The following SLCO1A2 variants were observed in gnomAD, a reference collection of about 807,000 sequenced individuals.
The protein encoded by SLCO1A2 is solute carrier organic anion transporter family member 1A2, also known as OATP-1.
Under a neutral mutation model 69.0 loss-of-function variants are expected in SLCO1A2, and 67 were observed. The ratio of observed to expected loss-of-function variants is 0.97; its 90% CI spans 0.80 to 1.19. SLCO1A2 has a LOEUF of 1.19. Ranked by LOEUF, SLCO1A2 falls within the 50% of genes most tolerant of loss-of-function variation. SLCO1A2 has a pLI of 0.00. For synonymous variants in SLCO1A2, 260 were observed against 265.9 expected, an observed-to-expected ratio of 0.98 and a Z score of 0.22; for missense variants, 787 against 793.7, an observed-to-expected ratio of 0.99 and a Z score of 0.10.
At chr12:21,275,521 G>A in intron 12 of SLCO1A2, 97 bp from the exon 13 acceptor site, 1 of 1,209,310 alleles carries the variant, frequency 8.3e-7, no homozygotes. Flanking sequence ...CACACATAAT[G>A]AACATTCAAA....
chr12:21,370,792 T>C (rs1038050206), intron 2 of SLCO1A2, among the ~76,000 whole-genome samples: 18 of 152,186 alleles, frequency 1.2e-4, no homozygotes, highest in African/African-American at 3.6e-4. Context: ...ATTAACTAGA[T>C]GTTTGATGTT....
chr12:21,357,084 A>G (rs1329368047), intron 2 of SLCO1A2, among the ~76,000 whole-genome samples: 1 of 152,164 alleles, frequency 6.6e-6, no homozygotes, highest in Non-Finnish European at 1.5e-5. Context: ...ACAAACAAAC[A>G]CTATAGAATG....
intron 3 of SLCO1A2, 150 bp from the exon 4 acceptor site, chr12:21,314,831 AAT>A: frequency 1.5e-6 from 1 of 657,864 alleles, no homozygotes; most frequent in South Asian, 2.0e-5. Flanking sequence ...ATAATAAATG[AAT>A]ATAACACAAT....
Position 21,266,971 on chromosome 12 carries a change from C to T in SLCO1A2, c.*2577G>A, listed in dbSNP as rs1240967849. On this transcript the variant is annotated 3_prime_UTR_variant, in exon 15 of 15. Transcript: ENST00000683939. ...ATTAAGTAAGAAAATTACTGACTCTCGACTTCTCACTACCTGTTCTCTTGT... is the reference window on the plus strand; with the variant it reads ...ATTAAGTAAGAAAATTACTGACTCTTGACTTCTCACTACCTGTTCTCTTGT... 6.6e-6 allele frequency: 1 copy of T among 152,026 alleles called. No individual in the cohort carries two copies. The highest frequency in any genetic ancestry group is 1.5e-5 in the Non-Finnish European group (1 of 68,000). 9.4% of individuals were successfully genotyped at this position (152,026 alleles called of 1,614,324 possible).
At chr12:21,325,800 T>G (rs770782332) in intron 2 of SLCO1A2, among the ~76,000 whole-genome samples, 1 of 152,228 alleles carries the variant, frequency 6.6e-6, no homozygotes, top group Non-Finnish European at 1.5e-5. Flanking sequence ...TGACTCCCTT[T>G]TGCCTTTCTC....
At chr12:21,366,982 T>G (rs1470999671) in intron 2 of SLCO1A2, among the ~76,000 whole-genome samples, 1 of 151,816 alleles carries the variant, frequency 6.6e-6, no homozygotes, top group Non-Finnish European at 1.5e-5. Context: ...TAACACAAAT[T>G]TATATATTAA....
intron 2 of SLCO1A2, among the ~76,000 whole-genome samples, chr12:21,329,223 AAAATGGAACAATTACTTTGC>A (rs1261620851): frequency 6.6e-6 from 1 of 152,198 alleles, no homozygotes; most frequent in African/African-American, 2.4e-5. Context: ...ATTGATCTAC[AAAATGGAACAATTACTTTGC>A]ATTATACCCT....
intron 2 of SLCO1A2, among the ~76,000 whole-genome samples, chr12:21,352,717 A>G (rs1938057702): frequency 6.6e-6 from 1 of 152,246 alleles, no homozygotes; most frequent in Non-Finnish European, 1.5e-5. Flanking sequence ...AATGCGAGAA[A>G]TATCTTCAAT....
intron 10 of SLCO1A2, 150 bp downstream of exon 10, chr12:21,295,447 G>T (rs928282910): frequency 3.0e-4 from 184 of 608,472 alleles, no homozygotes; most frequent in East Asian, 1.7e-4. Flanking sequence ...AGATTGGCTT[G>T]ATTGACAGAT....
chr12:21,359,013 T>G (rs1339771665), intron 2 of SLCO1A2, among the ~76,000 whole-genome samples: 1 of 152,218 alleles, frequency 6.6e-6, no homozygotes, highest in Non-Finnish European at 1.5e-5. Flanking sequence ...TTCAGAATCC[T>G]ATGCTTAGCT....
chr12:21,398,389 A>T (rs1312222837), upstream of SLCO1A2, among the ~76,000 whole-genome samples: 1,471 of 89,802 alleles, frequency 0.016, 26 homozygotes, highest in African/African-American at 0.053. Flanking sequence ...TCAATAGCTT[A>T]CCAACAAAAA....
chr12:21,377,418 A>C (rs546815165), intron 1 of SLCO1A2, among the ~76,000 whole-genome samples: 1 of 152,192 alleles, frequency 6.6e-6, no homozygotes, highest in Non-Finnish European at 1.5e-5. Flanking sequence ...TTTAAGAACA[A>C]AGCATGATAT....
At chr12:21,361,969 C>A (rs537274322) in intron 2 of SLCO1A2, among the ~76,000 whole-genome samples, 1 of 152,308 alleles carries the variant, frequency 6.6e-6, no homozygotes, top group Non-Finnish European at 1.5e-5. Context: ...GGAAAACACT[C>A]TTCAGGATAT....
At chr12:21,338,212 T>A (rs1952951948), upstream of SLCO1A2, among the ~76,000 whole-genome samples, 1 of 151,930 alleles carries the variant, frequency 6.6e-6, no homozygotes, top group African/African-American at 2.4e-5. Flanking sequence ...CTCCTTTACC[T>A]AAGTCTAGTT....
chr12:21,394,617 G>A (rs1245166935), intron 1 of SLCO1A2, among the ~76,000 whole-genome samples: 2 of 151,708 alleles, frequency 1.3e-5, no homozygotes, highest in Admixed American at 1.3e-4. Flanking sequence ...GAAAAGTGCA[G>A]GGAGACATAC....
intron 2 of SLCO1A2, chr12:21,354,843 T>C (rs1323469269): frequency 1.3e-5 from 2 of 152,176 alleles, no homozygotes; most frequent in Middle Eastern, 3.2e-3. Flanking sequence ...TCCATATCTT[T>C]CTTTGGCTCC....
At chr12:21,383,454 C>T (rs1940712659) in intron 1 of SLCO1A2, among the ~76,000 whole-genome samples, 1 of 152,144 alleles carries the variant, frequency 6.6e-6, no homozygotes. Context: ...ATACCCCACA[C>T]TCACCTGCCT....
intron 7 of SLCO1A2, 92 bp from the exon 8 acceptor site, chr12:21,300,661 A>C: frequency 9.8e-7 from 1 of 1,015,970 alleles, no homozygotes; most frequent in Non-Finnish European, 1.4e-6. Context: ...ATCGGGTCCC[A>C]ACCAACTATA....
chr12:21,389,698 G>T (rs947632979), intron 1 of SLCO1A2, among the ~76,000 whole-genome samples: 2 of 151,522 alleles, frequency 1.3e-5, no homozygotes. Flanking sequence ...TCCCATCTAG[G>T]ATGGATTTTA....
Sources: gnomAD v4.1 joint callset for allele counts (sites outside exome capture counted in the v4.1 genomes callset) on GRCh38, gnomAD v4.1.1 for gene constraint, MANE v1.5 for transcripts, NCBI Gene and HGNC (gene_info 2026-07-23, HGNC 2026-07-21) for gene names.